EBF2: variants seen among roughly 807,000 people sequenced by gnomAD.
EBF2 encodes transcription factor COE2.
EBF2 carries 21 observed loss-of-function variants against 72.8 expected under a neutral mutation model. The observed-to-expected ratio is 0.29, with a 90% CI of 0.20 to 0.42. EBF2 has a LOEUF of 0.42. EBF2 is among the 10% of genes least tolerant of loss of function. The pLI, the probability that EBF2 is intolerant of heterozygous loss-of-function variation, is 1.00. For missense variants in EBF2, 637 were observed against 731.2 expected (o/e 0.87, Z 1.49); for synonymous variants, 299 against 274.2 (o/e 1.09, Z -0.89).
At chr8:25,940,120 G>C (rs1803644931) in intron 6 of EBF2, among the ~76,000 whole-genome samples, 1 of 152,178 alleles carries the variant, frequency 6.6e-6, no homozygotes, top group African/African-American at 2.4e-5. Flanking sequence ...GCAATATCAT[G>C]ATGAAAGAAT....
chr8:25,880,266 C>A (rs566058956), intron 10 of EBF2, among the ~76,000 whole-genome samples: 1 of 152,144 alleles, frequency 6.6e-6, no homozygotes, highest in Non-Finnish European at 1.5e-5. Context: ...TTTCCTTTTA[C>A]GTAATCACAT....
intron 15 of EBF2, among the ~76,000 whole-genome samples, chr8:25,848,139 T>C (rs1199892120): frequency 6.6e-6 from 1 of 152,194 alleles, no homozygotes; most frequent in African/African-American, 2.4e-5. Context: ...TCTGGGACTA[T>C]AGGTGTGTGC....
chr8:25,936,724 T>A lies in EBF2; in HGVS notation c.552-28169A>T, dbSNP rs2117152021. Among the ~76,000 whole-genome samples the A allele has an allele frequency of 2.0e-5, 3 of 152,314 alleles. No individual in the cohort carries two copies. The Middle Eastern group carries it at 0.01, about 518-fold the overall frequency. ...TTGTTTTGTTTTGGGATGTTATGTCTTCCATGGAAGTAGTTATTTTCTGAG... is the reference window on the plus strand; with the variant it reads ...TTGTTTTGTTTTGGGATGTTATGTCATCCATGGAAGTAGTTATTTTCTGAG... On this transcript the variant is annotated intron_variant, in intron 6 of 15. Coordinates refer to ENST00000520164, the MANE Select transcript of EBF2 (RefSeq NM_022659.4).
intron 6 of EBF2, among the ~76,000 whole-genome samples, chr8:26,012,668 C>T (rs1805044978): frequency 6.6e-6 from 1 of 152,200 alleles, no homozygotes; most frequent in Non-Finnish European, 1.5e-5. Flanking sequence ...TGCATGTATG[C>T]ATTCTCTGCC....
At chr8:25,988,883 C>T (rs1804501559) in intron 6 of EBF2, among the ~76,000 whole-genome samples, 1 of 152,166 alleles carries the variant, frequency 6.6e-6, no homozygotes, top group Admixed American at 6.5e-5. Flanking sequence ...ACTCCAAATC[C>T]ACAGCTCTTT....
At chr8:26,005,427 T>TTATAA (rs1804846459) in intron 6 of EBF2, among the ~76,000 whole-genome samples, 1 of 7,310 alleles carries the variant, frequency 1.4e-4, no homozygotes, top group African/African-American at 6.6e-4. Context: ...ATAATATATA[T>TTATAA]TATATATATT....
chr8:25,984,096 T>C (rs917974876), intron 6 of EBF2, among the ~76,000 whole-genome samples: 17 of 152,192 alleles, frequency 1.1e-4, no homozygotes, highest in Admixed American at 3.3e-4. Context: ...TGTGTACCTT[T>C]GTGTGATTCC....
At chr8:25,904,269 AG>A (rs1479864417) in intron 7 of EBF2, among the ~76,000 whole-genome samples, 1 of 150,820 alleles carries the variant, frequency 6.6e-6, no homozygotes, top group Non-Finnish European at 1.5e-5. Flanking sequence ...AAGGGTTAAA[AG>A]GGTTAAAACC....
intron 6 of EBF2, among the ~76,000 whole-genome samples, chr8:25,932,165 T>C (rs917999925): frequency 1.3e-5 from 2 of 152,126 alleles, no homozygotes; most frequent in Non-Finnish European, 2.9e-5. Context: ...GAACTGCACA[T>C]AACTAGCTGT....
At position 26,044,771 on chromosome 8, in the gene EBF2, A is replaced by G. The variant is rs1048054835; in HGVS notation, c.89T>C (p.Val30Ala). 1.2e-6 allele frequency: 2 copies of G among 1,614,084 alleles called. No individual in the cohort carries two copies. The highest frequency in any genetic ancestry group is 4.5e-5 in the East Asian group (2 of 44,858). The stretch of plus-strand genomic sequence containing the variant: ...AGCGTCCACCACTCCGACATTCCGG[A>G]CCCAGGACCTGACCGAATCCATCTC... ...GAEMDSVRSW[V>A]RNVGVVDANV... is the part of the protein sequence containing the mutation. Residue 30 changes from valine (V) to alanine (A), a missense_variant, in exon 1 of 16, where the codon GTC becomes GCC. Val to Ala is a moderately conservative substitution (Grantham distance 64). Transcript: ENST00000520164. This position sits in a 1 kb window ranked among gnomAD's most constrained non-coding sequence, Gnocchi z 4.1.
At chr8:25,855,032 T>C (rs932729060) in intron 14 of EBF2, among the ~76,000 whole-genome samples, 3 of 152,144 alleles carry the variant, frequency 2.0e-5, no homozygotes, top group African/African-American at 7.2e-5. Flanking sequence ...GAGAGAACCA[T>C]TTTAGGAAAG....
At chr8:25,898,046 T>C (rs1010303937) in intron 7 of EBF2, among the ~76,000 whole-genome samples, 2 of 152,326 alleles carry the variant, frequency 1.3e-5, no homozygotes, top group Admixed American at 6.5e-5. Context: ...ATAGGAAACA[T>C]TGTCGCAGCC....
At chr8:25,946,709 T>A (rs1803774581) in intron 6 of EBF2, among the ~76,000 whole-genome samples, 1 of 152,202 alleles carries the variant, frequency 6.6e-6, no homozygotes, top group Admixed American at 6.5e-5. Flanking sequence ...TCCAGTCAAA[T>A]CCTGCTGATT....
chr8:25,987,558 A>G (rs1330712006), intron 6 of EBF2, among the ~76,000 whole-genome samples: 1 of 152,244 alleles, frequency 6.6e-6, no homozygotes, highest in East Asian at 1.9e-4. Context: ...GTGGCATCAT[A>G]TCCATGCCCT....
intron 2 of EBF2, among the ~76,000 whole-genome samples, chr8:26,041,714 G>A (rs1805603508): frequency 6.6e-6 from 1 of 152,202 alleles, no homozygotes; most frequent in East Asian, 1.9e-4. Context: ...TTTCCACTTA[G>A]TGCCGCAACT....
intron 15 of EBF2, among the ~76,000 whole-genome samples, chr8:25,844,910 G>T (rs1801801761): frequency 6.6e-6 from 1 of 152,128 alleles, no homozygotes; most frequent in Non-Finnish European, 1.5e-5. Flanking sequence ...TTTTATATGG[G>T]TTGTATAAAT....
Position 25,853,781 on chromosome 8 carries a change from G to C in EBF2, c.1529-3020C>G, listed in dbSNP as rs535270326. Among the ~76,000 whole-genome samples the C allele has an allele frequency of 3.9e-5, 6 of 152,080 alleles. No homozygotes were observed. In the South Asian group the frequency reaches 1.2e-3, roughly 32 times the overall value. On this transcript the variant is annotated intron_variant, in intron 14 of 15. Transcript: ENST00000520164. ...TTTAGCCTATACAATAGAAGGCTATGCCAATATTAAAACTAACGTTGTAGA... is the reference window on the plus strand; with the variant it reads ...TTTAGCCTATACAATAGAAGGCTATCCCAATATTAAAACTAACGTTGTAGA...
chr8:25,863,426 G>A (rs1802246654), intron 10 of EBF2, among the ~76,000 whole-genome samples: 1 of 152,078 alleles, frequency 6.6e-6, no homozygotes, highest in South Asian at 2.1e-4. Context: ...GGCACTTAGT[G>A]TCAGTAATTA....
intron 6 of EBF2, among the ~76,000 whole-genome samples, chr8:26,006,971 CA>C (rs1804893580): frequency 6.6e-6 from 1 of 152,198 alleles, no homozygotes; most frequent in South Asian, 2.1e-4. Flanking sequence ...TAGTCTACCT[CA>C]ACAGAAGGGA....
Sources: allele counts gnomAD v4.1 joint callset (sites outside exome capture counted in the v4.1 genomes callset), GRCh38; gene constraint gnomAD v4.1.1; non-coding constraint Gnocchi (gnomAD v3.1); transcripts MANE v1.5; gene names NCBI Gene and HGNC (gene_info 2026-07-23, HGNC 2026-07-21).